Variants in MB21D2 observed in about 807,000 individuals in gnomAD.
MB21D2 encodes the protein Mab-21 domain containing 2, also known as nucleotidyltransferase MB21D2.
MB21D2 carries 9 observed loss-of-function variants against 33.3 expected under a neutral mutation model. The observed-to-expected ratio is 0.27, with a 90% confidence interval of 0.16 to 0.47. The LOEUF (loss-of-function observed/expected upper bound fraction) is 0.47. Ranked by LOEUF, MB21D2 falls within the 20% of genes least tolerant of loss-of-function variation. The pLI is 0.99. For synonymous variants in MB21D2, 241 were observed against 236.3 expected (o/e 1.02, Z -0.18); for missense variants, 540 against 624.6 (o/e 0.86, Z 1.44).
At chr3:192,885,419 A>T (rs961853561) in intron 1 of MB21D2, among the ~76,000 whole-genome samples, 2 of 152,100 alleles carry the variant, frequency 1.3e-5, no homozygotes, top group Admixed American at 6.5e-5. Context: ...TCATGAATAA[A>T]TATCAAATTT....
intron 1 of MB21D2, among the ~76,000 whole-genome samples, chr3:192,852,330 G>A (rs1577183753): frequency 6.6e-6 from 1 of 152,214 alleles, no homozygotes; most frequent in South Asian, 2.1e-4. Context: ...TGAGGCGAAA[G>A]AAAGCCATAG....
intron 1 of MB21D2, among the ~76,000 whole-genome samples, chr3:192,830,344 C>T (rs1185314610): frequency 6.6e-6 from 1 of 151,926 alleles, no homozygotes; most frequent in Non-Finnish European, 1.5e-5. Flanking sequence ...AATGCATTGA[C>T]ACGTTTCATT....
intron 1 of MB21D2, among the ~76,000 whole-genome samples, chr3:192,822,902 A>T (rs772340997): frequency 6.6e-5 from 10 of 152,180 alleles, no homozygotes; most frequent in Admixed American, 1.3e-4. Context: ...TCAGTCAAGT[A>T]TTACCACGCA....
rs1394136617 is a variant in MB21D2 at position 192,849,316 on chromosome 3, T to TTTG, written c.212-49667_212-49666insCAA. 5.1e-4 allele frequency among the ~76,000 whole-genome samples: 47 copies of TTTG among 92,198 alleles called. 1 individual carries two copies. The highest frequency in any genetic ancestry group is 1.5e-3 in the East Asian group (4 of 2,672). 60.5% of individuals were successfully genotyped at this position (92,198 alleles called of 152,430 possible). A position where few individuals can be genotyped will look rare whatever the true frequency, so the allele number is the denominator to read the frequency against. The stretch of plus-strand genomic sequence containing the variant: ...TGCAAGTTTTTCACGTCTCTTTTTT[T>TTTG]GGGGGGGGGGCGGGGGGTGGGGGTG... On this transcript the variant is annotated intron_variant, in intron 1 of 1. Coordinates refer to ENST00000392452, the MANE Select transcript of MB21D2 (RefSeq NM_178496.4).
chr3:192,810,814 A>G (rs1356272560), intron 1 of MB21D2, among the ~76,000 whole-genome samples: 1 of 152,242 alleles, frequency 6.6e-6, no homozygotes, highest in Non-Finnish European at 1.5e-5. Flanking sequence ...ATATCTAAAC[A>G]AAATTAATAG....
At chr3:192,838,500 C>G (rs1320018174) in intron 1 of MB21D2, among the ~76,000 whole-genome samples, 5 of 149,988 alleles carry the variant, frequency 3.3e-5, no homozygotes, top group African/African-American at 1.2e-4. Context: ...GCGATCTCGG[C>G]TCACTGCAAA....
intron 1 of MB21D2, among the ~76,000 whole-genome samples, chr3:192,868,247 A>G (rs1713211834): frequency 6.6e-6 from 1 of 152,188 alleles, no homozygotes; most frequent in African/African-American, 2.4e-5. Context: ...TATCCAAAAG[A>G]TAGAAGGGCT....
intron 1 of MB21D2, among the ~76,000 whole-genome samples, chr3:192,832,529 C>T (rs147633602): frequency 0.022 from 3,290 of 152,276 alleles, 62 homozygotes; most frequent in African/African-American, 0.035. Context: ...CGGTGGGTCA[C>T]GCCTGTAATC....
At chr3:192,836,375 T>G (rs1712439470) in intron 1 of MB21D2, among the ~76,000 whole-genome samples, 1 of 152,208 alleles carries the variant, frequency 6.6e-6, no homozygotes, top group Non-Finnish European at 1.5e-5. Context: ...TGGGCTAAGT[T>G]GTGGACTCAC....
chr3:192,808,892 T>A (rs144039960), intron 1 of MB21D2, among the ~76,000 whole-genome samples: 1 of 152,354 alleles, frequency 6.6e-6, no homozygotes, highest in East Asian at 1.9e-4. Flanking sequence ...TACAAAGAGA[T>A]AACTAGCACC....
chr3:192,908,619 C>G (rs370633810), intron 1 of MB21D2, among the ~76,000 whole-genome samples: 1 of 151,570 alleles, frequency 6.6e-6, no homozygotes, highest in Non-Finnish European at 1.5e-5. Context: ...GAGGTTTCAC[C>G]GTGTTGGCCA....
chr3:192,817,892 A>G (rs1409697561), intron 1 of MB21D2, among the ~76,000 whole-genome samples: 4 of 130,764 alleles, frequency 3.1e-5, no homozygotes, highest in African/African-American at 1.1e-4. Context: ...TCTGAGGCCA[A>G]TCTCCATTTT....
intron 1 of MB21D2, among the ~76,000 whole-genome samples, chr3:192,834,020 G>A (rs1053519091): frequency 9.9e-5 from 15 of 152,104 alleles, no homozygotes; most frequent in Non-Finnish European, 1.5e-4. Context: ...TGAGGTCAAC[G>A]ATCTCAGTTC....
At chr3:192,900,602 T>C (rs560972109) in intron 1 of MB21D2, among the ~76,000 whole-genome samples, 106 of 152,108 alleles carry the variant, frequency 7.0e-4, no homozygotes, top group African/African-American at 2.5e-3. Context: ...ACTGTATAAG[T>C]AACATGAAGA....
At chr3:192,804,699 G>C (rs1447397111) in intron 1 of MB21D2, among the ~76,000 whole-genome samples, 1 of 152,104 alleles carries the variant, frequency 6.6e-6, no homozygotes. Context: ...ATGGCAGGAA[G>C]GGTACACGGT....
intron 1 of MB21D2, among the ~76,000 whole-genome samples, chr3:192,909,009 A>T (rs1046014294): frequency 6.6e-6 from 1 of 151,992 alleles, no homozygotes; most frequent in Non-Finnish European, 1.5e-5. Context: ...TAATCCCAGC[A>T]CTTTGGGAGG....
At chr3:192,912,734 C>G (rs1714382683) in intron 1 of MB21D2, among the ~76,000 whole-genome samples, 1 of 152,020 alleles carries the variant, frequency 6.6e-6, no homozygotes, top group Non-Finnish European at 1.5e-5. Context: ...AGGCAGGCTA[C>G]TGAGTATAGT....
At chr3:192,889,951 G>A (rs376494218) in intron 1 of MB21D2, among the ~76,000 whole-genome samples, 3 of 151,860 alleles carry the variant, frequency 2.0e-5, no homozygotes, top group South Asian at 2.1e-4. Flanking sequence ...AAAATCCAAC[G>A]GTAGACACCA....
chr3:192,865,737 A>G (rs547590468), intron 1 of MB21D2, among the ~76,000 whole-genome samples: 1 of 152,062 alleles, frequency 6.6e-6, no homozygotes, highest in African/African-American at 2.4e-5. Context: ...TCTGTGTTCA[A>G]CATATGATTG....
Sources: allele counts gnomAD v4.1 joint callset (sites outside exome capture counted in the v4.1 genomes callset), GRCh38; gene constraint gnomAD v4.1.1; transcripts MANE v1.5; gene names NCBI Gene and HGNC (gene_info 2026-07-23, HGNC 2026-07-21).